Variants in SMAD6 observed in about 807,000 individuals in gnomAD.
SMAD6 encodes SMAD family member 6, also known as MAD homolog 6.
In SMAD6, 103 loss-of-function variants were observed where a neutral mutation model predicts 39.4. The observed-to-expected ratio is 2.62, with a 90% CI of 2.23 to 3.08. SMAD6 has a LOEUF of 3.08. SMAD6 is among the 30% of genes most tolerant of loss of function. The pLI is 0.00. For missense variants in SMAD6, 1,104 were observed against 742.9 expected (o/e 1.49, Z -5.65); for synonymous variants, 445 against 353.3 (o/e 1.26, Z -2.91).
At chr15:66,706,477 T>G (rs1428540059) in intron 1 of SMAD6, 2 of 152,252 alleles carry the variant, frequency 1.3e-5, no homozygotes, top group African/African-American at 2.4e-5. Context: ...TTGATCCTCT[T>G]GCCCCTGGCC....
intron 3 of SMAD6, among the ~76,000 whole-genome samples, chr15:66,744,780 C>T (rs956973167): frequency 6.6e-6 from 1 of 152,234 alleles, no homozygotes; most frequent in South Asian, 2.1e-4. Flanking sequence ...GTGCTGCCCA[C>T]AGCCCTCATC....
At chr15:66,769,296 C>G (rs546232193) in intron 3 of SMAD6, among the ~76,000 whole-genome samples, 51 of 152,174 alleles carry the variant, frequency 3.4e-4, no homozygotes, top group Non-Finnish European at 6.2e-4. Context: ...TGAAAATCTT[C>G]CTAATTTTGG....
chr15:66,758,469 C>T (rs1273895676), intron 3 of SMAD6, among the ~76,000 whole-genome samples: 6 of 152,132 alleles, frequency 3.9e-5, no homozygotes, highest in African/African-American at 7.2e-5. Flanking sequence ...GGCTTATGCC[C>T]GTAATCCCAG....
At chr15:66,766,539 G>A (rs1894292330) in intron 3 of SMAD6, among the ~76,000 whole-genome samples, 1 of 152,198 alleles carries the variant, frequency 6.6e-6, no homozygotes, top group East Asian at 1.9e-4. Context: ...TAGATGCTCA[G>A]TAGCCACTGG....
chr15:66,760,505 G>A (rs1894179943), intron 3 of SMAD6, among the ~76,000 whole-genome samples: 1 of 152,256 alleles, frequency 6.6e-6, no homozygotes, highest in African/African-American at 2.4e-5. Context: ...GGACTCGTCA[G>A]TGATTAGTAC....
intron 3 of SMAD6, among the ~76,000 whole-genome samples, chr15:66,748,649 C>T (rs1473293915): frequency 6.6e-6 from 1 of 152,152 alleles, no homozygotes; most frequent in Non-Finnish European, 1.5e-5. Context: ...CTGAATCTCC[C>T]TCTCTTCACT....
At chr15:66,750,415 C>T (rs1167618262) in intron 3 of SMAD6, among the ~76,000 whole-genome samples, 5 of 152,160 alleles carry the variant, frequency 3.3e-5, no homozygotes, top group Admixed American at 6.5e-5. Flanking sequence ...ATGACTCATC[C>T]GAATTTCATT....
At position 66,703,850 on chromosome 15, in the gene SMAD6, C is replaced by CGCGGCGGCGTGCCGG; in HGVS notation, c.598_612dup (p.Gly200_Gly204dup). The CGCGGCGGCGTGCCGG allele has an allele frequency of 2.9e-6, 4 of 1,356,456 alleles. No individual in the cohort carries two copies. The highest frequency in any genetic ancestry group is 3.8e-6 in the Non-Finnish European group (4 of 1,043,054). The allele number at this position is 1,356,456 out of a possible 1,614,324, so 84.0% of individuals were successfully genotyped here. ...CACGCTGCTGGAGGCGGTGGAGTCC[C>CGCGGCGGCGTGCCGG]GCGGCGGCGTGCCGGGCGGCTGCGT... On this transcript the variant is annotated inframe_insertion, in exon 1 of 4. Transcript: ENST00000288840.
chr15:66,754,413 C>T (rs1031586384), intron 3 of SMAD6, among the ~76,000 whole-genome samples: 14 of 152,206 alleles, frequency 9.2e-5, no homozygotes, highest in African/African-American at 3.4e-4. Context: ...CTTCCACTTG[C>T]ACGTGGACAT....
intron 3 of SMAD6, among the ~76,000 whole-genome samples, chr15:66,735,046 G>A (rs1177955424): frequency 6.6e-6 from 1 of 152,316 alleles, no homozygotes; most frequent in African/African-American, 2.4e-5. Flanking sequence ...GAATAGCCAC[G>A]GCCAGCTCGG....
rs937474582 is a variant in SMAD6, at chr15:66,747,306, C to T, written c.952+30808C>T. On this transcript the variant is annotated intron_variant, in intron 3 of 3. Transcript: ENST00000288840. The surrounding 1 kb of genome is among the most constrained non-coding windows in gnomAD (Gnocchi z 4.5). ...GCCAAGGCCTGGCCTTCCCACCACA[C>T]CTGCCCTTCCCCATGAGCGCCTTAC... 6.6e-6 allele frequency among the ~76,000 whole-genome samples: 1 copy of T among 152,270 alleles called. No individual in the cohort carries two copies. Among genetic ancestry groups the T allele is most frequent in the African/African-American group, 2.4e-5 (1 of 41,478 alleles).
At chr15:66,743,537 G>C (rs898971772) in intron 3 of SMAD6, among the ~76,000 whole-genome samples, 9 of 151,484 alleles carry the variant, frequency 5.9e-5, no homozygotes, top group African/African-American at 1.9e-4. Context: ...TAGTGAAGGA[G>C]CTGGGCCCAA....
Position 66,703,765 on chromosome 15 carries a change from GC to G in SMAD6, c.508del (p.Gln170ArgfsTer11). 2 of 1,419,834 alleles carry G rather than the reference GC, an allele frequency of 1.4e-6. No homozygotes were observed. The highest frequency in any genetic ancestry group is 1.9e-6 in the Non-Finnish European group (2 of 1,075,052). The allele number at this position is 1,419,834 out of a possible 1,614,324, so 88.0% of individuals were successfully genotyped here. On this transcript the variant is annotated frameshift_variant, in exon 1 of 4. Coordinates refer to ENST00000288840, the MANE Select transcript of SMAD6 (RefSeq NM_005585.5). LOFTEE classifies it high-confidence loss of function. Reference protein sequence around the residue: ...EARSRLLLLEQELKTVTYSLL... With the variant: ...EARSRLLLLEXELKTVTYSLL... Reference sequence around the variant, plus strand: ...CGCGCTCGCGGCTGCTGCTGCTGGAGCAGGAACTCAAAACCGTCACGTACTC... The same window carrying G: ...CGCGCTCGCGGCTGCTGCTGCTGGAGAGGAACTCAAAACCGTCACGTACTC...
At chr15:66,723,034 C>T (rs1254966040) in intron 3 of SMAD6, among the ~76,000 whole-genome samples, 1 of 152,134 alleles carries the variant, frequency 6.6e-6, no homozygotes. Context: ...CTAATGTGTT[C>T]CAGGCTGTAA....
intron 3 of SMAD6, among the ~76,000 whole-genome samples, chr15:66,780,215 AC>A (rs1299461970): frequency 6.6e-6 from 1 of 152,168 alleles, no homozygotes; most frequent in African/African-American, 2.4e-5. Flanking sequence ...TCTGGTACAA[AC>A]CTGCATTTCC....
intron 3 of SMAD6, among the ~76,000 whole-genome samples, chr15:66,736,642 G>T (rs1011289654): frequency 6.6e-6 from 1 of 151,788 alleles, no homozygotes; most frequent in Non-Finnish European, 1.5e-5. Flanking sequence ...GTCCCTGTTA[G>T]ACACTCTCCC....
rs1893047702 is a variant in SMAD6, at chr15:66,703,961, C to T, written c.703C>T (p.Leu235=). ...LLGRLFRWPD[L]QHAVELKPLC... ...CGGCCGCCTCTTTCGCTGGCCCGACCTGCAGCACGCCGTGGAGCTGAAGCC... is the reference window on the plus strand; with the variant it reads ...CGGCCGCCTCTTTCGCTGGCCCGACTTGCAGCACGCCGTGGAGCTGAAGCC... Residue 235 remains leucine, a synonymous_variant, in exon 1 of 4, where the codon CTG becomes TTG. Coordinates refer to ENST00000288840, the MANE Select transcript of SMAD6 (RefSeq NM_005585.5). 9.7e-6 allele frequency: 14 copies of T among 1,442,498 alleles called. No homozygotes were observed. The East Asian group carries it at 1.2e-4, about 13-fold the overall frequency. 89.4% of individuals were successfully genotyped at this position (1,442,498 alleles called of 1,614,324 possible).
chr15:66,709,754 C>G (rs1893191315), intron 1 of SMAD6, among the ~76,000 whole-genome samples: 1 of 152,226 alleles, frequency 6.6e-6, no homozygotes. Context: ...GTCACTTCCA[C>G]TCACCAGGCC....
chr15:66,724,759 G>A (rs1039465465), intron 3 of SMAD6, among the ~76,000 whole-genome samples: 1 of 152,024 alleles, frequency 6.6e-6, no homozygotes, highest in South Asian at 2.1e-4. Flanking sequence ...TCTGCTCATT[G>A]GGTGGTTGCT....
Sources: gnomAD v4.1 joint callset for allele counts (sites outside exome capture counted in the v4.1 genomes callset) on GRCh38, gnomAD v4.1.1 for gene constraint, Gnocchi (gnomAD v3.1) non-coding constraint, MANE v1.5 for transcripts, NCBI Gene and HGNC (gene_info 2026-07-23, HGNC 2026-07-21) for gene names.